Variants in ERVH48-1 observed in about 807,000 individuals in gnomAD.
ERVH48-1 encodes the protein endogenous retrovirus group 48 member 1, envelope.
Under a neutral mutation model 2.4 loss-of-function variants are expected in ERVH48-1, and 4 were observed. The observed-to-expected ratio is 1.68, with a 90% CI of 0.83 to 3.84. The LOEUF (loss-of-function observed/expected upper bound fraction) is 3.84. Among genes scored for constraint, ERVH48-1 ranks in the 30% most tolerant of loss-of-function variants. The pLI is 0.01. For synonymous variants in ERVH48-1, 32 were observed against 15.5 expected, an observed-to-expected ratio of 2.06 and a Z score of -2.49; for missense variants, 97 against 43.4, an observed-to-expected ratio of 2.23 and a Z score of -3.47.
intron 1 of ERVH48-1, among the ~76,000 whole-genome samples, chr21:42,922,470 G>A (rs971512709): frequency 1.3e-5 from 2 of 152,084 alleles, no homozygotes; most frequent in Non-Finnish European, 2.9e-5. Flanking sequence ...GCCGGGCGCG[G>A]TGGCTCAAGC....
At chr21:42,920,578 G>C (rs1438980993) in intron 1 of ERVH48-1, among the ~76,000 whole-genome samples, 3 of 152,200 alleles carry the variant, frequency 2.0e-5, no homozygotes, top group African/African-American at 7.2e-5. Context: ...GCTCGAGTGA[G>C]AGCTCAAGTG....
chr21:42,917,973 C>G lies in ERVH48-1; in HGVS notation c.*551G>C, dbSNP rs1363564770. 1 of 152,548 alleles carries G rather than the reference C, an allele frequency of 6.6e-6. No individual in the cohort carries two copies. Among genetic ancestry groups the G allele is most frequent in the African/African-American group, 2.4e-5 (1 of 41,436 alleles). 9.4% of individuals were successfully genotyped at this position (152,548 alleles called of 1,614,324 possible). ...AAGTACCTTGCCAGTGATAAGGTAGCTGTGAGTAAGCCTGGGTTCCCCATA... is the reference window on the plus strand; with the variant it reads ...AAGTACCTTGCCAGTGATAAGGTAGGTGTGAGTAAGCCTGGGTTCCCCATA... On this transcript the variant is annotated 3_prime_UTR_variant, in exon 2 of 2. Coordinates refer to ENST00000447535, the MANE Select transcript of ERVH48-1 (RefSeq NM_001308491.2).
At chr21:42,924,433 G>A (rs1601235907) in intron 1 of ERVH48-1, among the ~76,000 whole-genome samples, 2 of 152,140 alleles carry the variant, frequency 1.3e-5, no homozygotes, top group African/African-American at 2.4e-5. Flanking sequence ...GGAGGAGAAC[G>A]GCGATCAGGG....
rs906102919 is a variant in ERVH48-1, at chr21:42,917,052, T to A, written c.*1472A>T. 2 of 152,204 alleles carry A rather than the reference T, an allele frequency of 1.3e-5. No individual in the cohort carries two copies. Among genetic ancestry groups the A allele is most frequent in the Non-Finnish European group, 2.9e-5 (2 of 68,056 alleles). The allele number at this position is 152,204 out of a possible 1,614,324, so 9.4% of individuals were successfully genotyped here. Reference sequence around the variant, plus strand: ...CTGGTGCAAGTTTGTACCTTGGGACTGGGCCTGAGGAGGAGGAGTTATTCA... The same window carrying A: ...CTGGTGCAAGTTTGTACCTTGGGACAGGGCCTGAGGAGGAGGAGTTATTCA... On this transcript the variant is annotated 3_prime_UTR_variant, in exon 2 of 2. Coordinates refer to ENST00000447535, the MANE Select transcript of ERVH48-1 (RefSeq NM_001308491.2).
chr21:42,923,889 A>G (rs1229937435), intron 1 of ERVH48-1, among the ~76,000 whole-genome samples: 1 of 152,238 alleles, frequency 6.6e-6, no homozygotes, highest in East Asian at 1.9e-4. Context: ...ACTCTCTAAT[A>G]TAAGAGGCAG....
At chr21:42,923,811 G>A (rs1381318312) in intron 1 of ERVH48-1, among the ~76,000 whole-genome samples, 1 of 152,220 alleles carries the variant, frequency 6.6e-6, no homozygotes, top group African/African-American at 2.4e-5. Context: ...CTTCTGGGGT[G>A]AGCGTGGAAG....
At chr21:42,919,324 G>A in intron 1 of ERVH48-1, 33 bp from the exon 2 acceptor site, 1 of 209,336 alleles carries the variant, frequency 4.8e-6, no homozygotes, top group Non-Finnish European at 9.8e-6. Context: ...AGAGGATAAG[G>A]AGGTGTCGGC....
Position 42,918,902 on chromosome 21 carries a change from C to T in ERVH48-1, c.105G>A (p.Leu35=). ...TTILILSVAV[L]LSTAAPPSCR... ...AGCTCGGAGGGGCTGCTGTGGACAG[C>T]AGGACAGCTACTGACAGTATTAGGA... Residue 35 remains leucine, a synonymous_variant, in exon 2 of 2, where the codon CTG becomes CTA. Coordinates refer to ENST00000447535, the MANE Select transcript of ERVH48-1 (RefSeq NM_001308491.2). 2.0e-6 allele frequency: 1 copy of T among 498,200 alleles called. No homozygotes were observed. Among genetic ancestry groups the T allele is most frequent in the Non-Finnish European group, 3.8e-6 (1 of 264,984 alleles). The allele number at this position is 498,200 out of a possible 1,614,324, so 30.9% of individuals were successfully genotyped here. A position where few individuals can be genotyped will look rare whatever the true frequency, so the allele number is the denominator to read the frequency against.
intron 1 of ERVH48-1, among the ~76,000 whole-genome samples, chr21:42,923,904 T>G (rs1489585808): frequency 2.0e-5 from 3 of 152,214 alleles, no homozygotes; most frequent in Non-Finnish European, 4.4e-5. Context: ...AGGCAGGGTA[T>G]TCTGGAAATA....
At chr21:42,924,185 G>A (rs1190487072) in intron 1 of ERVH48-1, among the ~76,000 whole-genome samples, 1 of 152,138 alleles carries the variant, frequency 6.6e-6, no homozygotes, top group African/African-American at 2.4e-5. Flanking sequence ...GTGGCGGGGT[G>A]GGTTTACAGG....
intron 1 of ERVH48-1, among the ~76,000 whole-genome samples, chr21:42,920,456 G>A (rs2058802505): frequency 6.6e-6 from 1 of 152,160 alleles, no homozygotes; most frequent in African/African-American, 2.4e-5. Context: ...GCTGATGAGA[G>A]CATTCATGAC....
chr21:42,922,409 C>T (rs372582037), intron 1 of ERVH48-1, among the ~76,000 whole-genome samples: 5 of 151,556 alleles, frequency 3.3e-5, no homozygotes, highest in African/African-American at 9.7e-5. Flanking sequence ...CATGGCTCTG[C>T]CTAGGAGTGG....
intron 1 of ERVH48-1, among the ~76,000 whole-genome samples, chr21:42,921,429 G>C (rs1394971067): frequency 6.6e-6 from 1 of 152,060 alleles, no homozygotes; most frequent in Non-Finnish European, 1.5e-5. Context: ...GAGGCGGGAG[G>C]GACTGGAAGA....
Position 42,918,703 on chromosome 21 carries a change from T to C in ERVH48-1, c.304A>G (p.Ile102Val), listed in dbSNP as rs553585844. Residue 102 changes from isoleucine to valine, a missense_variant, in exon 2 of 2, where the codon ATT becomes GTT. Coordinates refer to ENST00000447535, the MANE Select transcript of ERVH48-1 (RefSeq NM_001308491.2). ...LGVCGSRNGA[I>V]CPRGKQWLCF... ...AGCCACTGCTTCCCTCTGGGGCAAA[T>C]AGCCCCATTACGACTGCCACATACT... 4.7e-4 allele frequency: 214 copies of C among 456,708 alleles called. 3 individuals are homozygous for C. Among genetic ancestry groups the C allele is most frequent in the South Asian group, 3.0e-3 (194 of 64,570 alleles). The allele number at this position is 456,708 out of a possible 1,614,324, so 28.3% of individuals were successfully genotyped here. A position where few individuals can be genotyped will look rare whatever the true frequency, so the allele number is the denominator to read the frequency against.
intron 1 of ERVH48-1, among the ~76,000 whole-genome samples, chr21:42,920,136 A>AC (rs2058801458): frequency 6.6e-6 from 1 of 151,506 alleles, no homozygotes; most frequent in Non-Finnish European, 1.5e-5. Context: ...CCCGACATGG[A>AC]AAGAGTTGTG....
chr21:42,924,419 G>T (rs1601235897), intron 1 of ERVH48-1, among the ~76,000 whole-genome samples: 2 of 152,116 alleles, frequency 1.3e-5, no homozygotes, highest in Admixed American at 6.5e-5. Flanking sequence ...AAGAGTTAGG[G>T]TCGGGAGGAG....
intron 1 of ERVH48-1, among the ~76,000 whole-genome samples, chr21:42,919,597 A>G (rs566503040): frequency 2.6e-5 from 4 of 152,160 alleles, no homozygotes; most frequent in Non-Finnish European, 5.9e-5. Flanking sequence ...TTAAGGACAG[A>G]GTTGACCTTT....
In ERVH48-1 at chr21:42,917,384, C is replaced by G. The variant is rs1400132917; in HGVS notation, c.*1140G>C. On this transcript the variant is annotated 3_prime_UTR_variant, in exon 2 of 2. Coordinates refer to ENST00000447535, the MANE Select transcript of ERVH48-1 (RefSeq NM_001308491.2). ...CAGTGATGAAAATGACTGTCCCCAC[C>G]AGCATTTTAAATCCTCCTAAATTAG... The G allele has an allele frequency of 1.3e-5, 2 of 152,052 alleles. No homozygotes were observed. The highest frequency in any genetic ancestry group is 6.6e-5 in the Admixed American group (1 of 15,244). The allele number at this position is 152,052 out of a possible 1,614,324, so 9.4% of individuals were successfully genotyped here.
Position 42,917,591 on chromosome 21 carries a change from G to A in ERVH48-1, c.*933C>T, listed in dbSNP as rs1601232532. 6.6e-6 allele frequency: 1 copy of A among 152,326 alleles called. No homozygotes were observed. The highest frequency in any genetic ancestry group is 1.5e-5 in the Non-Finnish European group (1 of 68,032). 9.4% of individuals were successfully genotyped at this position (152,326 alleles called of 1,614,324 possible). A position where few individuals can be genotyped will look rare whatever the true frequency, so the allele number is the denominator to read the frequency against. On this transcript the variant is annotated 3_prime_UTR_variant, in exon 2 of 2. Transcript: ENST00000447535. Reference sequence around the variant, plus strand: ...CCGCACCCTCTTCTGCTAATAAGTAGTCTAGGGCCAGCCTGTTTTGATAAA... The same window carrying A: ...CCGCACCCTCTTCTGCTAATAAGTAATCTAGGGCCAGCCTGTTTTGATAAA...
Sources: allele counts gnomAD v4.1 joint callset (sites outside exome capture counted in the v4.1 genomes callset), GRCh38; gene constraint gnomAD v4.1.1; transcripts MANE v1.5; gene names NCBI Gene and HGNC (gene_info 2026-07-23, HGNC 2026-07-21).